The following TMEM220 variants were observed in gnomAD, a reference collection of about 807,000 sequenced individuals.
The protein encoded by TMEM220 is transmembrane protein 220.
In TMEM220, 21 loss-of-function variants were observed where a neutral mutation model predicts 21.7. The observed-to-expected ratio is 0.97, with a 90% confidence interval of 0.69 to 1.39. The LOEUF is 1.39. TMEM220 is among the 40% of genes most tolerant of loss of function. The pLI is 0.00. For synonymous variants in TMEM220, 80 were observed against 73.6 expected, an observed-to-expected ratio of 1.09 and a Z score of -0.45; for missense variants, 191 against 201.9, an observed-to-expected ratio of 0.95 and a Z score of 0.33.
chr17:10,726,307 G>T, intron 2 of TMEM220, 43 bp from the exon 3 acceptor site: 1 of 1,445,008 alleles, frequency 6.9e-7, no homozygotes, highest in Non-Finnish European at 9.7e-7. Flanking sequence ...TAAGATGTAT[G>T]CCCAATATAT....
intron 2 of TMEM220, among the ~76,000 whole-genome samples, chr17:10,728,759 G>T (rs1203256590): frequency 2.0e-5 from 3 of 152,188 alleles, no homozygotes; most frequent in Non-Finnish European, 4.4e-5. Flanking sequence ...GCCTACTCTA[G>T]GTCCTCAAGA....
Position 10,725,235 on chromosome 17 carries a change from G to A in TMEM220, c.164-101C>T, listed in dbSNP as rs556525189. On this transcript the variant is annotated intron_variant, in intron 3 of 5. Coordinates refer to ENST00000341871, the MANE Select transcript of TMEM220 (RefSeq NM_001004313.3). ...TTTGCCATAGTCTGCTTTCAGAAAA[G>A]ACATTCAGACTCCCTCAGCCCCATC... 4.2e-4 allele frequency: 622 copies of A among 1,496,462 alleles called. 2 individuals carry two copies. The highest frequency in any genetic ancestry group is 3.5e-3 in the Middle Eastern group (20 of 5,746). 92.7% of individuals were successfully genotyped at this position (1,496,462 alleles called of 1,614,324 possible).
At chr17:10,724,872 GAAGAT>G (rs1287100787) in intron 4 of TMEM220, 134 bp downstream of exon 4, 49 of 1,179,576 alleles carry the variant, frequency 4.2e-5, no homozygotes, top group Non-Finnish European at 5.4e-5. Flanking sequence ...AGGTTATAAA[GAAGAT>G]AATACCTTGC....
At chr17:10,728,456 C>T (rs2075077972) in intron 2 of TMEM220, among the ~76,000 whole-genome samples, 1 of 151,962 alleles carries the variant, frequency 6.6e-6, no homozygotes, top group African/African-American at 2.4e-5. Context: ...ACTACAGGCG[C>T]ATGCCACCAC....
In TMEM220 at chr17:10,723,280, T is replaced by C; in HGVS notation, c.337A>G (p.Ser113Gly). Reference protein sequence around the residue: ...IITAWIILCHSSSKNPVGGRI... With the variant: ...IITAWIILCHGSSKNPVGGRI... ...GAGTTGAATACTTACTTTGAGGAAC[T>C]GTGGCACAGGATAATCCATGCTGTA... The change falls in exon 5 of 6, where the codon AGT becomes GGT. Residue 113 changes from serine to glycine, a missense_variant. Transcript: ENST00000341871. The C allele has an allele frequency of 1.2e-6, 2 of 1,614,104 alleles. No individual in the cohort carries two copies. The highest frequency in any genetic ancestry group is 1.7e-6 in the Non-Finnish European group (2 of 1,179,956).
chr17:10,729,045 C>T lies in TMEM220; in HGVS notation c.88G>A (p.Ala30Thr), dbSNP rs2075087509. 1.2e-6 allele frequency: 2 copies of T among 1,614,218 alleles called. No individual in the cohort carries two copies. The highest frequency in any genetic ancestry group is 1.7e-6 in the Non-Finnish European group (2 of 1,180,034). Residue 30 changes from alanine (A) to threonine (T), a missense_variant, in exon 2 of 6, where the codon GCA becomes ACA. Transcript: ENST00000341871. ...AALVQVNDPD[A>T]EVWVVVYTIP... is the part of the protein sequence containing the mutation. Reference sequence around the variant, plus strand: ...CTCATACTCACCACCCACACCTCTGCATCTGGGTCATTTACCTGGAACGCC... The same window carrying T: ...CTCATACTCACCACCCACACCTCTGTATCTGGGTCATTTACCTGGAACGCC...
At chr17:10,725,493 C>T (rs551935265) in intron 3 of TMEM220, among the ~76,000 whole-genome samples, 18 of 152,298 alleles carry the variant, frequency 1.2e-4, no homozygotes, top group East Asian at 5.8e-4. Flanking sequence ...TCAGCACAAA[C>T]GGACAAGCAA....
At chr17:10,726,291 A>G (rs773268710) in intron 2 of TMEM220, 27 bp from the exon 3 acceptor site, 6 of 1,557,710 alleles carry the variant, frequency 3.9e-6, no homozygotes, top group South Asian at 3.3e-5. Context: ...AGGAAATTAC[A>G]TGAGTTAAGA....
At position 10,713,329 on chromosome 17, in the gene TMEM220, A is replaced by G. The variant is rs1411088755; in HGVS notation, c.*2124T>C. 6.6e-6 allele frequency: 1 copy of G among 151,894 alleles called. No individual in the cohort carries two copies. The highest frequency in any genetic ancestry group is 1.9e-4 in the East Asian group (1 of 5,202). 9.4% of individuals were successfully genotyped at this position (151,894 alleles called of 1,614,324 possible). A position where few individuals can be genotyped will look rare whatever the true frequency, so the allele number is the denominator to read the frequency against. ...TATTAAATTTAATAATAATACTTAA[A>G]TTCAATTTCATTAATACTCTTCAAA... On this transcript the variant is annotated 3_prime_UTR_variant, in exon 6 of 6. Transcript: ENST00000341871.
chr17:10,728,043 C>T (rs1477268929), intron 2 of TMEM220, among the ~76,000 whole-genome samples: 5 of 152,050 alleles, frequency 3.3e-5, no homozygotes, highest in African/African-American at 1.2e-4. Flanking sequence ...GCCTGTAATC[C>T]CAGTTACTTG....
chr17:10,712,027 C>G (rs1354623141), downstream of TMEM220, among the ~76,000 whole-genome samples: 1 of 152,190 alleles, frequency 6.6e-6, no homozygotes, highest in Non-Finnish European at 1.5e-5. Context: ...TTCCCACAAA[C>G]CTGGCGACTT....
rs370696025 is a variant in TMEM220 at position 10,725,057 on chromosome 17, G to C, written c.241C>G (p.Leu81Val). Residue 81 changes from leucine to valine, a missense_variant, in exon 4 of 6, where the codon CTC (leucine) becomes GTC (valine). By Grantham distance (32) the Leu-to-Val change is conservative. Transcript: ENST00000341871. The stretch of plus-strand genomic sequence containing the variant: ...ATGTTCTGTTGTGTACGATGCAAGA[G>C]GTAGGACGCCAAGCCAACAGCCCAC... ...TVWAVGLASY[L>V]LHRTQQNILH... 2.5e-6 allele frequency: 4 copies of C among 1,614,000 alleles called. No individual in the cohort carries two copies. The African/African-American group carries it at 5.3e-5, about 22-fold the overall frequency.
intron 4 of TMEM220, 123 bp downstream of exon 4, chr17:10,724,888 C>T: frequency 7.4e-7 from 1 of 1,342,496 alleles, no homozygotes; most frequent in Non-Finnish European, 1.0e-6. Flanking sequence ...AATACCTTGC[C>T]TCCTCCACAG....
At chr17:10,719,204 T>C (rs1034574530) in intron 5 of TMEM220, among the ~76,000 whole-genome samples, 3 of 152,218 alleles carry the variant, frequency 2.0e-5, no homozygotes, top group African/African-American at 7.2e-5. Flanking sequence ...GATAGCCACA[T>C]AGAAAAATAT....
At chr17:10,725,264 C>G in intron 3 of TMEM220, 130 bp from the exon 4 acceptor site, 3 of 1,311,984 alleles carry the variant, frequency 2.3e-6, no homozygotes, top group Non-Finnish European at 3.1e-6. Context: ...CCCCATCGCC[C>G]CTTTTTGTTT....
At chr17:10,721,157 C>T (rs192947838) in intron 5 of TMEM220, among the ~76,000 whole-genome samples, 103 of 152,266 alleles carry the variant, frequency 6.8e-4, no homozygotes, top group African/African-American at 2.4e-3. Flanking sequence ...GCGCCTGGAA[C>T]ATCTTGTCAT....
In TMEM220 at chr17:10,727,022, G is replaced by A. The variant is rs553266914; in HGVS notation, c.103-758C>T. Reference sequence around the variant, plus strand: ...AGAAGATGTTAAGGCAGGTGCCAGGGGTCCATGTGGGAGGTAGTGGAGGGC... The same window carrying A: ...AGAAGATGTTAAGGCAGGTGCCAGGAGTCCATGTGGGAGGTAGTGGAGGGC... On this transcript the variant is annotated intron_variant, in intron 2 of 5. Transcript: ENST00000341871. Among the ~76,000 whole-genome samples, 92 of 152,300 alleles carry A rather than the reference G, an allele frequency of 6.0e-4. 1 individual carries two copies. Among genetic ancestry groups the A allele is most frequent in the African/African-American group, 2.1e-3 (89 of 41,560 alleles).
chr17:10,723,187 G>A, intron 5 of TMEM220, 83 bp downstream of exon 5: 1 of 1,171,302 alleles, frequency 8.5e-7, no homozygotes, highest in South Asian at 1.2e-5. Flanking sequence ...GACCATATTG[G>A]CCAGGATGGT....
chr17:10,726,360 T>A, intron 2 of TMEM220, 96 bp from the exon 3 acceptor site: 3 of 994,080 alleles, frequency 3.0e-6, no homozygotes, highest in Non-Finnish European at 4.8e-6. Flanking sequence ...ATGAGATCAG[T>A]GGCTGCTGTG....
Sources: allele counts gnomAD v4.1 joint callset (sites outside exome capture counted in the v4.1 genomes callset), GRCh38; gene constraint gnomAD v4.1.1; transcripts MANE v1.5; gene names NCBI Gene and HGNC (gene_info 2026-07-23, HGNC 2026-07-21).